Variants in AFG1L observed in about 807,000 individuals in gnomAD.
AFG1L encodes the protein AFG1 like ATPase, also known as AFG1-like ATPase.
AFG1L carries 53 observed loss-of-function variants against 62.2 expected under a neutral mutation model. The observed-to-expected ratio is 0.85, with a 90% CI of 0.68 to 1.07. The LOEUF is 1.07. AFG1L is among the 50% of genes least tolerant of loss of function. AFG1L has a pLI of 0.00. For synonymous variants in AFG1L, 228 were observed against 210.3 expected, an observed-to-expected ratio of 1.08 and a Z score of -0.73; for missense variants, 555 against 590.5, an observed-to-expected ratio of 0.94 and a Z score of 0.62.
At chr6:108,366,686 T>C (rs1356792647) in intron 6 of AFG1L, among the ~76,000 whole-genome samples, 1 of 151,976 alleles carries the variant, frequency 6.6e-6, no homozygotes, top group Non-Finnish European at 1.5e-5. Flanking sequence ...ACGAAACTCA[T>C]AATTAAATTT....
chr6:108,496,304 A>G (rs72940604), intron 10 of AFG1L, among the ~76,000 whole-genome samples: 12,975 of 152,246 alleles, frequency 0.085, 660 homozygotes, highest in South Asian at 0.24. Flanking sequence ...AGTGCCTCAT[A>G]TTTATTAAGC....
At chr6:108,509,774 C>G (rs1774566161) in intron 10 of AFG1L, among the ~76,000 whole-genome samples, 1 of 152,102 alleles carries the variant, frequency 6.6e-6, no homozygotes, top group Non-Finnish European at 1.5e-5. Flanking sequence ...AAAACAATCC[C>G]CAAAAGGGAG....
chr6:108,464,167 TTC>T (rs936166199), intron 8 of AFG1L, among the ~76,000 whole-genome samples: 1 of 152,200 alleles, frequency 6.6e-6, no homozygotes, highest in Non-Finnish European at 1.5e-5. Context: ...GTGGGTAGCA[TTC>T]TGTTCCCTTG....
chr6:108,429,900 T>A (rs1770995906), intron 7 of AFG1L, among the ~76,000 whole-genome samples: 1 of 152,138 alleles, frequency 6.6e-6, no homozygotes, highest in Non-Finnish European at 1.5e-5. Flanking sequence ...ATTCTTCCAA[T>A]CAATGAGCAT....
intron 1 of AFG1L, among the ~76,000 whole-genome samples, chr6:108,316,355 T>G (rs1582577196): frequency 1.1e-5 from 1 of 92,498 alleles, no homozygotes; most frequent in Admixed American, 1.9e-4. Flanking sequence ...CACTCCAGCC[T>G]GGGCGACAGA....
rs185227588 is a variant in AFG1L, at chr6:108,519,700, C to G, written c.1207C>G (p.Arg403Gly). 10 of 1,556,104 alleles carry G rather than the reference C, an allele frequency of 6.4e-6. No individual in the cohort carries two copies. In the African/African-American group the frequency reaches 1.4e-4, roughly 21 times the overall value. ...TACCCATTTTCTTCTATTTCAGGTG[C>G]GTATAATTTGCTCTGCGTCGACTCC... ...LIDNFYDLKV[R>G]IICSASTPIS... The change falls in exon 12 of 13, where the codon CGT becomes GGT. Residue 403 changes from arginine to glycine, a missense_variant. Physicochemically the swap from Arg to Gly is moderately radical, Grantham distance 125. Coordinates refer to ENST00000368977, the MANE Select transcript of AFG1L (RefSeq NM_145315.5).
intron 12 of AFG1L, chr6:108,521,550 G>T (rs545369328): frequency 1.3e-5 from 2 of 152,204 alleles, no homozygotes; most frequent in African/African-American, 4.8e-5. Flanking sequence ...AGCCAATCAT[G>T]CATGAAGAAA....
intron 10 of AFG1L, among the ~76,000 whole-genome samples, chr6:108,497,319 T>C (rs1044672391): frequency 6.6e-6 from 1 of 152,218 alleles, no homozygotes; most frequent in Non-Finnish European, 1.5e-5. Context: ...AAATAAGAAT[T>C]TCTTTATTAC....
At chr6:108,511,124 AAGGAGGAGGAGG>A (rs552164631) in intron 11 of AFG1L, among the ~76,000 whole-genome samples, 4,119 of 148,576 alleles carry the variant, frequency 0.028, 74 homozygotes, top group Middle Eastern at 0.091. Context: ...GAAGAAGTAG[AAGGAGGAGGAGG>A]AGGAGGAGGA....
At chr6:108,396,259 A>G (rs1186163984) in intron 6 of AFG1L, among the ~76,000 whole-genome samples, 1 of 152,132 alleles carries the variant, frequency 6.6e-6, no homozygotes, top group African/African-American at 2.4e-5. Flanking sequence ...TGAAGAGCTT[A>G]AAACTTGTCC....
chr6:108,517,451 T>G (rs1774946320), intron 11 of AFG1L, among the ~76,000 whole-genome samples: 1 of 152,212 alleles, frequency 6.6e-6, no homozygotes, highest in South Asian at 2.1e-4. Flanking sequence ...GCTAGCCATA[T>G]GTAGAAAGCT....
intron 11 of AFG1L, among the ~76,000 whole-genome samples, chr6:108,511,182 AGAGAAGGAGAAGGAG>A (rs992421957): frequency 4.0e-5 from 6 of 151,470 alleles, no homozygotes; most frequent in Non-Finnish European, 7.4e-5. Flanking sequence ...GGAAGAAGGA[AGAGAAGGAGAAGGAG>A]GAGAAGGAGA....
At chr6:108,300,273 T>G (rs1482250137) in intron 1 of AFG1L, among the ~76,000 whole-genome samples, 1 of 152,080 alleles carries the variant, frequency 6.6e-6, no homozygotes, top group Non-Finnish European at 1.5e-5. Context: ...CTCAGCTTCC[T>G]AAGTAGCTGA....
At chr6:108,374,193 T>G (rs937815989) in intron 6 of AFG1L, among the ~76,000 whole-genome samples, 1 of 152,184 alleles carries the variant, frequency 6.6e-6, no homozygotes, top group Non-Finnish European at 1.5e-5. Flanking sequence ...ATTTGTTTTT[T>G]GCTTGTTCAG....
intron 6 of AFG1L, among the ~76,000 whole-genome samples, chr6:108,400,375 G>A (rs1197019102): frequency 6.6e-6 from 1 of 150,990 alleles, no homozygotes; most frequent in African/African-American, 2.4e-5. Context: ...TCTATACCTA[G>A]TTTTCTGAGG....
chr6:108,424,026 G>T (rs1333464505), intron 7 of AFG1L, among the ~76,000 whole-genome samples: 1 of 152,064 alleles, frequency 6.6e-6, no homozygotes, highest in Admixed American at 6.6e-5. Flanking sequence ...TAATATGCAT[G>T]CATGTATGTG....
intron 7 of AFG1L, among the ~76,000 whole-genome samples, chr6:108,445,234 G>A (rs560261219): frequency 1.3e-5 from 2 of 152,248 alleles, no homozygotes; most frequent in East Asian, 3.9e-4. Flanking sequence ...GAATTGAAGG[G>A]AGTTAGGGCC....
intron 10 of AFG1L, among the ~76,000 whole-genome samples, chr6:108,508,050 T>G (rs1774491560): frequency 6.6e-6 from 1 of 152,222 alleles, no homozygotes; most frequent in African/African-American, 2.4e-5. Flanking sequence ...GGCACTGTGC[T>G]AAACACTTTG....
Position 108,394,302 on chromosome 6 carries a change from T to G in AFG1L, c.749-7694T>G, listed in dbSNP as rs1389573857. Among the ~76,000 whole-genome samples, 3 of 151,920 alleles carry G rather than the reference T, an allele frequency of 2.0e-5. No homozygotes were observed. In the East Asian group the frequency reaches 5.8e-4, roughly 29 times the overall value. On this transcript the variant is annotated intron_variant, in intron 6 of 12. Coordinates refer to ENST00000368977, the MANE Select transcript of AFG1L (RefSeq NM_145315.5). ...AGCTGGGATTACAGGCATGTGCTACTACACCCGGCTAATCTTGTTTTTTTT... is the reference window on the plus strand; with the variant it reads ...AGCTGGGATTACAGGCATGTGCTACGACACCCGGCTAATCTTGTTTTTTTT...
Sources: gnomAD v4.1 joint callset for allele counts (sites outside exome capture counted in the v4.1 genomes callset) on GRCh38, gnomAD v4.1.1 for gene constraint, MANE v1.5 for transcripts, NCBI Gene and HGNC (gene_info 2026-07-23, HGNC 2026-07-21) for gene names.